Variants in MYO5B observed in about 807,000 individuals in gnomAD.
MYO5B encodes unconventional myosin-Vb.
MYO5B carries 143 observed loss-of-function variants against 229.3 expected under a neutral mutation model. That is an observed-to-expected ratio of 0.62 (90% CI 0.54 to 0.72). MYO5B has a LOEUF of 0.72. Ranked by LOEUF, MYO5B falls within the 30% of genes least tolerant of loss-of-function variation. The pLI is 0.00. For synonymous variants in MYO5B, 918 were observed against 885.2 expected (o/e 1.04, Z -0.66); for missense variants, 2,321 against 2,331.0 (o/e 1.00, Z 0.09).
chr18:50,074,185 C>A (rs1384971935), intron 1 of MYO5B, among the ~76,000 whole-genome samples: 3 of 152,128 alleles, frequency 2.0e-5, no homozygotes, highest in Middle Eastern at 3.2e-3. Context: ...GAAGCAAAAG[C>A]AGAAAACCTT....
At position 49,836,788 on chromosome 18, in the gene MYO5B, G is replaced by T. The variant is rs767619758; in HGVS notation, c.5236C>A (p.Leu1746Ile). The T allele has an allele frequency of 1.7e-5, 28 of 1,614,086 alleles. No individual in the cohort carries two copies. Among genetic ancestry groups the T allele is most frequent in the Non-Finnish European group, 2.3e-5 (27 of 1,180,034 alleles). The change falls in exon 38 of 40, where the codon CTC (leucine) becomes ATC (isoleucine). Residue 1746 changes from leucine (L) to isoleucine (I), a missense_variant. Leu to Ile is a conservative substitution (Grantham distance 5, BLOSUM62 2). Around this residue, in one of 2 missense-constraint regions of MYO5B, gnomAD observed 208 missense variants for 286.3 expected, o/e 0.73. Transcript: ENST00000285039. ...TMEPLIQAAQ[L>I]LQLKKKTQED... is the part of the protein sequence containing the mutation. ...TGGGTTTTCTTCTTTAATTGCAGGA[G>T]CTGGGCTGCTTGGATCAGAGGTTCC...
chr18:50,033,292 G>A (rs1053174445), intron 4 of MYO5B, among the ~76,000 whole-genome samples: 1 of 152,092 alleles, frequency 6.6e-6, no homozygotes, highest in Non-Finnish European at 1.5e-5. Context: ...CCCACCTAGA[G>A]GCCCTCTTCT....
intron 29 of MYO5B, among the ~76,000 whole-genome samples, chr18:49,861,916 A>G (rs150970384): frequency 6.6e-6 from 1 of 152,290 alleles, no homozygotes; most frequent in East Asian, 1.9e-4. Context: ...TATTTTCACC[A>G]ATTTTGAACA....
chr18:49,903,530 C>A (rs1269996593), intron 20 of MYO5B, among the ~76,000 whole-genome samples: 1 of 152,128 alleles, frequency 6.6e-6, no homozygotes, highest in African/African-American at 2.4e-5. Context: ...CCAACGCCAC[C>A]CATCACCCAA....
intron 17 of MYO5B, among the ~76,000 whole-genome samples, chr18:49,922,904 C>T (rs1289954449): frequency 6.6e-6 from 1 of 152,188 alleles, no homozygotes; most frequent in Non-Finnish European, 1.5e-5. Flanking sequence ...CATCTTGACT[C>T]TGCTGGCAGC....
chr18:49,945,900 G>T (rs957113117), intron 14 of MYO5B, among the ~76,000 whole-genome samples: 3 of 152,150 alleles, frequency 2.0e-5, no homozygotes, highest in African/African-American at 7.2e-5. Context: ...GAGGCTGGAG[G>T]CAGGTTCACA....
intron 2 of MYO5B, among the ~76,000 whole-genome samples, 195 bp from the exon 3 acceptor site, chr18:50,040,509 T>C (rs1407731317): frequency 6.6e-6 from 1 of 152,222 alleles, no homozygotes; most frequent in African/African-American, 2.4e-5. Flanking sequence ...AATTTGCTGA[T>C]AACATAACCC....
At chr18:49,881,695 G>C (rs541213728) in intron 22 of MYO5B, among the ~76,000 whole-genome samples, 1 of 103,632 alleles carries the variant, frequency 9.6e-6, no homozygotes, top group Non-Finnish European at 1.9e-5. Context: ...CCAGCTACTC[G>C]GGAGGCTGAG....
intron 27 of MYO5B, among the ~76,000 whole-genome samples, chr18:49,865,692 T>C (rs1016153884): frequency 6.6e-6 from 1 of 152,160 alleles, no homozygotes; most frequent in African/African-American, 2.4e-5. Flanking sequence ...TTCCTCCAGC[T>C]GTGACAGGCC....
intron 4 of MYO5B, among the ~76,000 whole-genome samples, chr18:50,011,410 T>G (rs551964224): frequency 7.9e-5 from 12 of 152,180 alleles, no homozygotes; most frequent in Non-Finnish European, 1.8e-4. Context: ...TTGTCCACAC[T>G]GGTATTTCCC....
In MYO5B at chr18:50,055,246, CCTG is replaced by C; in HGVS notation, c.138+19_138+21del. On this transcript the variant is annotated intron_variant, in intron 2 of 39. Coordinates refer to ENST00000285039, the MANE Select transcript of MYO5B (RefSeq NM_001080467.3). ...CCCTGCCCCACCTCACCCCCGCCCC[CCTG>C]CCCCGGACTCACTCTTACCGTTTCA... 1.7e-6 allele frequency: 2 copies of C among 1,161,556 alleles called. No homozygotes were observed. Among genetic ancestry groups the C allele is most frequent in the Non-Finnish European group, 2.6e-6 (2 of 773,614 alleles). 72.0% of individuals were successfully genotyped at this position (1,161,556 alleles called of 1,614,324 possible). A position where few individuals can be genotyped will look rare whatever the true frequency, so the allele number is the denominator to read the frequency against.
chr18:50,136,496 C>T (rs1475249354), intron 1 of MYO5B, among the ~76,000 whole-genome samples: 1 of 151,488 alleles, frequency 6.6e-6, no homozygotes, highest in Non-Finnish European at 1.5e-5. Context: ...ATGGCTCTTG[C>T]TCATTCTTTT....
At chr18:49,988,003 CTT>C (rs2025890113) in intron 7 of MYO5B, among the ~76,000 whole-genome samples, 2 of 152,172 alleles carry the variant, frequency 1.3e-5, no homozygotes, top group African/African-American at 4.8e-5. Flanking sequence ...AAAATCTCCT[CTT>C]GAGGTCATTT....
In MYO5B at chr18:50,061,797, G is replaced by A. The variant is rs145418724; in HGVS notation, c.28-6419C>T. 8.1e-4 allele frequency among the ~76,000 whole-genome samples: 124 copies of A among 152,302 alleles called. No individual in the cohort carries two copies. In the East Asian group the frequency reaches 8.3e-3, roughly 10 times the overall value. ...CCTCAGGAGCCAAGGTGGACCTTCA[G>A]GGAGAAGAGAACAGGGACATTTGAA... On this transcript the variant is annotated intron_variant, in intron 1 of 39. Transcript: ENST00000285039.
intron 1 of MYO5B, among the ~76,000 whole-genome samples, chr18:50,146,641 C>T (rs887327970): frequency 1.3e-5 from 2 of 152,202 alleles, no homozygotes; most frequent in African/African-American, 4.8e-5. Flanking sequence ...CTGGGATGAA[C>T]GTGTTTAAGT....
At chr18:49,887,018 A>G (rs1557353) in intron 22 of MYO5B, among the ~76,000 whole-genome samples, 88,266 of 151,904 alleles carry the variant, frequency 0.58, 25,798 homozygotes, top group Middle Eastern at 0.67. Flanking sequence ...GGGCCTGGTG[A>G]GAGGTGACTG....
intron 1 of MYO5B, among the ~76,000 whole-genome samples, chr18:50,099,642 C>T (rs754261726): frequency 1.3e-5 from 2 of 152,270 alleles, no homozygotes; most frequent in East Asian, 1.9e-4. Context: ...GTGATTTGGG[C>T]CCCCAGGAAA....
intron 1 of MYO5B, among the ~76,000 whole-genome samples, chr18:50,167,106 A>C (rs1378037019): frequency 6.6e-6 from 1 of 152,252 alleles, no homozygotes; most frequent in Non-Finnish European, 1.5e-5. Flanking sequence ...TCTGGCAAGC[A>C]AGCCACCGCT....
intron 22 of MYO5B, among the ~76,000 whole-genome samples, chr18:49,884,809 A>C (rs1014109654): frequency 6.6e-6 from 1 of 152,218 alleles, no homozygotes; most frequent in Non-Finnish European, 1.5e-5. Context: ...AAGACAACCC[A>C]ATTTTAAAAA....
Sources: allele counts gnomAD v4.1 joint callset (sites outside exome capture counted in the v4.1 genomes callset), GRCh38; gene constraint gnomAD v4.1.1; regional missense constraint gnomAD v4.1.1; transcripts MANE v1.5; gene names NCBI Gene and HGNC (gene_info 2026-07-23, HGNC 2026-07-21).